The following PEAK1 variants were observed in gnomAD, a reference collection of about 807,000 sequenced individuals.
PEAK1 encodes inactive tyrosine-protein kinase PEAK1.
PEAK1 carries 54 observed loss-of-function variants against 124.7 expected under a neutral mutation model. The ratio of observed to expected loss-of-function variants is 0.43; its 90% CI spans 0.35 to 0.54. The LOEUF (loss-of-function observed/expected upper bound fraction) is 0.54, where lower values mean the gene tolerates loss of function less well. PEAK1 is among the 20% of genes least tolerant of loss of function. The pLI is 0.01. For synonymous variants in PEAK1, 719 were observed against 760.0 expected (o/e 0.95, Z 0.89); for missense variants, 2,046 against 2,134.5 (o/e 0.96, Z 0.82).
chr15:77,230,721 A>G (rs1043386775), intron 6 of PEAK1, among the ~76,000 whole-genome samples: 1 of 152,070 alleles, frequency 6.6e-6, no homozygotes, highest in African/African-American at 2.4e-5. Flanking sequence ...ACACAATGAG[A>G]TTCTGTCTCA....
intron 5 of PEAK1, among the ~76,000 whole-genome samples, chr15:77,281,588 A>C (rs1044501816): frequency 6.6e-6 from 1 of 152,190 alleles, no homozygotes; most frequent in African/African-American, 2.4e-5. Flanking sequence ...CTTTTCATTT[A>C]AATTTTTTTG....
downstream of PEAK1, chr15:77,105,693 TC>T (rs2050744412): frequency 6.6e-6 from 1 of 152,318 alleles, no homozygotes; most frequent in Admixed American, 6.5e-5. Flanking sequence ...GGCAAAGAGT[TC>T]CTGGAGCAGA....
Position 77,180,824 on chromosome 15 carries a change from C to T in PEAK1, c.1103G>A (p.Gly368Glu), listed in dbSNP as rs1160892253. The change falls in exon 7 of 10, where the codon GGA (glycine) becomes GAA (glutamate). Residue 368 changes from glycine (G) to glutamate (E), a missense_variant. By Grantham distance (98) the Gly-to-Glu change is moderately conservative. Coordinates refer to ENST00000682557, the MANE Select transcript of PEAK1 (RefSeq NM_001385026.1). ...ATCTCCTGGGTTACCAGGAGATAAT[C>T]CCCCATTACAAATCTTCTGGGATAA... is the stretch of plus-strand genomic sequence containing the variant. Reference protein sequence around the residue: ...SSLSQKICNGGLSPGNPGDSK... With the variant: ...SSLSQKICNGELSPGNPGDSK... 6.2e-7 allele frequency: 1 copy of T among 1,613,870 alleles called. No individual in the cohort carries two copies. Among genetic ancestry groups the T allele is most frequent in the Non-Finnish European group, 8.5e-7 (1 of 1,179,918 alleles).
chr15:77,312,407 T>C (rs2064531714), intron 2 of PEAK1, among the ~76,000 whole-genome samples: 2 of 152,224 alleles, frequency 1.3e-5, no homozygotes. Flanking sequence ...CTCCATTTTA[T>C]GGAGGCTTAC....
chr15:77,152,758 T>C (rs900508873), intron 8 of PEAK1, among the ~76,000 whole-genome samples: 1 of 152,220 alleles, frequency 6.6e-6, no homozygotes, highest in Non-Finnish European at 1.5e-5. Context: ...ATGTGGTTTT[T>C]GTCTTTGGTT....
intron 2 of PEAK1, chr15:77,335,670 G>A: frequency 1.4e-6 from 1 of 720,670 alleles, no homozygotes; most frequent in Non-Finnish European, 1.7e-6. Context: ...TGTAAAGACA[G>A]GGTCTTGCCC....
At chr15:77,404,777 T>C (rs765086155) in intron 1 of PEAK1, 282 of 969,374 alleles carry the variant, frequency 2.9e-4, no homozygotes, top group Non-Finnish European at 3.2e-4. Flanking sequence ...AAGAGCAGGT[T>C]ATCAGATTAT....
chr15:77,395,385 A>C (rs540264989), intron 1 of PEAK1, among the ~76,000 whole-genome samples: 51 of 152,308 alleles, frequency 3.3e-4, no homozygotes, highest in African/African-American at 1.0e-3. Flanking sequence ...AGGGATAGAA[A>C]GTTTATTCAA....
intron 2 of PEAK1, chr15:77,337,917 C>CAAT (rs2066299020): frequency 1.0e-6 from 1 of 984,632 alleles, no homozygotes; most frequent in Non-Finnish European, 1.2e-6. Context: ...CTAAATCTGT[C>CAAT]AATAATTTGG....
intron 5 of PEAK1, among the ~76,000 whole-genome samples, chr15:77,261,956 A>T (rs2061463640): frequency 6.6e-6 from 1 of 152,148 alleles, no homozygotes; most frequent in Non-Finnish European, 1.5e-5. Context: ...GCCAATATTC[A>T]ACATTCTTAA....
chr15:77,145,913 T>G (rs915306979), intron 8 of PEAK1, among the ~76,000 whole-genome samples: 1 of 152,164 alleles, frequency 6.6e-6, no homozygotes, highest in South Asian at 2.1e-4. Context: ...AGGGAGATAG[T>G]TGGTGTTCAA....
chr15:77,359,715 T>C (rs1278176871), intron 2 of PEAK1, among the ~76,000 whole-genome samples: 1 of 152,056 alleles, frequency 6.6e-6, no homozygotes, highest in Non-Finnish European at 1.5e-5. Flanking sequence ...AATAAAGTAC[T>C]TAGGAATAAA....
At chr15:77,302,760 C>G (rs761010891) in intron 2 of PEAK1, among the ~76,000 whole-genome samples, 16 of 152,142 alleles carry the variant, frequency 1.1e-4, no homozygotes, top group Non-Finnish European at 2.1e-4. Context: ...CCTGGAAACT[C>G]TGACCTCCTA....
chr15:77,323,486 A>G lies in PEAK1; in HGVS notation c.-602-36982T>C, dbSNP rs533539138. ...AAATCACAAGCATTCTTATACACCA[A>G]TAACAGACAAACGGAGAGCCAAATC... On this transcript the variant is annotated intron_variant, in intron 2 of 9. Coordinates refer to ENST00000682557, the MANE Select transcript of PEAK1 (RefSeq NM_001385026.1). Among the ~76,000 whole-genome samples the G allele has an allele frequency of 2.6e-5, 4 of 152,340 alleles. No homozygotes were observed. The East Asian group carries it at 5.8e-4, about 22-fold the overall frequency.
At chr15:77,300,467 AC>A (rs1278438212) in intron 2 of PEAK1, among the ~76,000 whole-genome samples, 2 of 152,230 alleles carry the variant, frequency 1.3e-5, no homozygotes, top group Non-Finnish European at 2.9e-5. Context: ...TTTTAAAAAT[AC>A]AACTTTTATT....
At chr15:77,217,999 G>T (rs1318852614) in intron 6 of PEAK1, among the ~76,000 whole-genome samples, 1 of 152,004 alleles carries the variant, frequency 6.6e-6, no homozygotes, top group Non-Finnish European at 1.5e-5. Flanking sequence ...ATTTATTTTA[G>T]TATCTTTTAA....
intron 6 of PEAK1, among the ~76,000 whole-genome samples, chr15:77,237,713 A>G (rs745673267): frequency 1.6e-4 from 25 of 152,232 alleles, no homozygotes; most frequent in African/African-American, 4.8e-4. Context: ...TTTTTATCAC[A>G]TTAAAAAAAT....
At chr15:77,276,210 A>C (rs1222559896) in intron 5 of PEAK1, among the ~76,000 whole-genome samples, 1 of 152,210 alleles carries the variant, frequency 6.6e-6, no homozygotes, top group Non-Finnish European at 1.5e-5. Context: ...AAAAGTTCTC[A>C]AAAGACAAAA....
At chr15:77,210,804 T>C (rs889091941) in intron 6 of PEAK1, among the ~76,000 whole-genome samples, 1 of 152,134 alleles carries the variant, frequency 6.6e-6, no homozygotes, top group Non-Finnish European at 1.5e-5. Flanking sequence ...GGCTTGAACC[T>C]GGGAGGTGGA....
Sources: allele counts gnomAD v4.1 joint callset (sites outside exome capture counted in the v4.1 genomes callset), GRCh38; gene constraint gnomAD v4.1.1; transcripts MANE v1.5; gene names NCBI Gene and HGNC (gene_info 2026-07-23, HGNC 2026-07-21).